Variants in SLC4A4 observed in about 807,000 individuals in gnomAD.
SLC4A4 encodes the protein solute carrier family 4 member 4.
In SLC4A4, 27 loss-of-function variants were observed where a neutral mutation model predicts 111.5. The ratio of observed to expected loss-of-function variants is 0.24; its 90% CI spans 0.18 to 0.33. SLC4A4 has a LOEUF of 0.33. SLC4A4 is among the 10% of genes least tolerant of loss of function. The probability of loss-of-function intolerance (pLI) is 1.00; values close to 1 mark genes in which losing one functional copy is unlikely to be tolerated. For missense variants in SLC4A4, 909 were observed against 1,315.5 expected, an observed-to-expected ratio of 0.69 and a Z score of 4.78; for synonymous variants, 443 against 463.4, an observed-to-expected ratio of 0.96 and a Z score of 0.57.
chr4:71,289,317 ATTGT>A, intron 3 of SLC4A4, among the ~76,000 whole-genome samples: 1 of 152,306 alleles, frequency 6.6e-6, no homozygotes, highest in African/African-American at 2.4e-5. Context: ...TTGGATATGC[ATTGT>A]TTTATATCAG....
chr4:71,303,977 C>T (rs1163136107), intron 3 of SLC4A4, among the ~76,000 whole-genome samples: 3 of 152,134 alleles, frequency 2.0e-5, no homozygotes, highest in African/African-American at 7.2e-5. Context: ...ATTTAATCCC[C>T]ATAACAATTA....
At chr4:71,217,073 G>A (rs964358811) in intron 1 of SLC4A4, among the ~76,000 whole-genome samples, 1 of 152,068 alleles carries the variant, frequency 6.6e-6, no homozygotes, top group Non-Finnish European at 1.5e-5. Flanking sequence ...TGTGTGAGTG[G>A]GACAAGATGT....
rs765001385 is a variant in SLC4A4, at chr4:71,357,069, G to A, written c.612G>A (p.Val204=). 3 of 1,614,074 alleles carry A rather than the reference G, an allele frequency of 1.9e-6. No homozygotes were observed. Among genetic ancestry groups the A allele is most frequent in the South Asian group, 2.2e-5 (2 of 91,072 alleles). The change falls in exon 6 of 26, where the codon GTG becomes GTA. Residue 204 remains valine (V), a synonymous_variant. Transcript: ENST00000264485. ...GLLKPELKDK[V]TYTLLRKHRH... is the part of the protein sequence containing the mutation. ...TGAAACCTGAACTTAAGGATAAGGT[G>A]ACCTATACTTTGCTCCGGAAGCACC...
chr4:71,161,689 T>C (rs1449707486), intron 2 of SLC4A4, among the ~76,000 whole-genome samples: 2 of 152,184 alleles, frequency 1.3e-5, no homozygotes, highest in Non-Finnish European at 2.9e-5. Context: ...AACTGTTGAA[T>C]GAATGAATGA....
At chr4:71,452,120 G>A (rs1725822581) in intron 11 of SLC4A4, among the ~76,000 whole-genome samples, 1 of 151,730 alleles carries the variant, frequency 6.6e-6, no homozygotes, top group South Asian at 2.1e-4. Context: ...ACATGAAAAG[G>A]TATGTCATTA....
At chr4:71,328,077 A>G (rs934308550) in intron 3 of SLC4A4, among the ~76,000 whole-genome samples, 3 of 151,994 alleles carry the variant, frequency 2.0e-5, no homozygotes, top group African/African-American at 7.2e-5. Flanking sequence ...ATAAGTGAGG[A>G]CGTGCAAAAT....
intron 14 of SLC4A4, among the ~76,000 whole-genome samples, chr4:71,485,518 G>A (rs949775412): frequency 6.6e-6 from 1 of 151,542 alleles, no homozygotes; most frequent in African/African-American, 2.4e-5. Flanking sequence ...TTTCTGATGT[G>A]CTTCAGCCTA....
intron 2 of SLC4A4, among the ~76,000 whole-genome samples, chr4:71,254,651 TA>T (rs200059466): frequency 0.095 from 13,348 of 141,060 alleles, 537 homozygotes; most frequent in Middle Eastern, 0.13. Flanking sequence ...GCTGATTAGG[TA>T]AAAAAAAAAA....
At chr4:71,358,603 A>G (rs1457686554) in intron 6 of SLC4A4, among the ~76,000 whole-genome samples, 3 of 152,162 alleles carry the variant, frequency 2.0e-5, no homozygotes, top group Non-Finnish European at 1.5e-5. Flanking sequence ...AAAATCACAA[A>G]AGAGAATTGA....
chr4:71,111,734 C>G (rs1469906967), intron 2 of SLC4A4, among the ~76,000 whole-genome samples: 1 of 150,634 alleles, frequency 6.6e-6, no homozygotes, highest in African/African-American at 2.4e-5. Context: ...CTCACTCTAT[C>G]ACCCAGGCTG....
At chr4:71,436,970 A>G (rs1577899624) in intron 7 of SLC4A4, 6 of 340,398 alleles carry the variant, frequency 1.8e-5, no homozygotes, top group South Asian at 1.4e-4. Flanking sequence ...GTTGTTTTCT[A>G]TTAAAAAAAA....
chr4:71,319,697 A>G (rs975644023), intron 3 of SLC4A4, among the ~76,000 whole-genome samples: 1 of 152,044 alleles, frequency 6.6e-6, no homozygotes, highest in Non-Finnish European at 1.5e-5. Context: ...TCTGAATATA[A>G]TTTTATAAGC....
rs75817196 is a variant in SLC4A4, at chr4:71,469,810, C to G, written c.1632-2889C>G. On this transcript the variant is annotated intron_variant, in intron 13 of 25. Transcript: ENST00000264485. The stretch of plus-strand genomic sequence containing the variant: ...TATTTGGGTCATTCTTGTTGAACTA[C>G]TGTAGTATTGCTTAAGTCTTTTAAA... Among the ~76,000 whole-genome samples the G allele has an allele frequency of 9.7e-3, 1,467 of 151,980 alleles. 22 individuals carry two copies. The highest frequency in any genetic ancestry group is 0.034 in the African/African-American group (1,408 of 41,492).
At chr4:71,476,124 A>T (rs1220672874) in intron 14 of SLC4A4, among the ~76,000 whole-genome samples, 5 of 151,800 alleles carry the variant, frequency 3.3e-5, no homozygotes, top group Admixed American at 6.6e-5. Flanking sequence ...CACTTTCATG[A>T]CAATTTCATA....
chr4:71,187,345 T>TGCAGCC lies in SLC4A4; in HGVS notation c.-57_-52dup, dbSNP rs1745516694. On this transcript the variant is annotated 5_prime_UTR_variant, in exon 1 of 26. Coordinates refer to ENST00000264485, the MANE Select transcript of SLC4A4 (RefSeq NM_001098484.3). ...CGGCGGCGGCAGTGGCAGTGGCCGC[T>TGCAGCC]GCAGCCCCACACTCCGCCGCCAAAC... is the stretch of plus-strand genomic sequence containing the variant. The TGCAGCC allele has an allele frequency of 6.5e-6, 1 of 153,516 alleles. No homozygotes were observed. Among genetic ancestry groups the TGCAGCC allele is most frequent in the African/African-American group, 2.4e-5 (1 of 41,324 alleles). 9.5% of individuals were successfully genotyped at this position (153,516 alleles called of 1,614,324 possible).
chr4:71,569,128 G>T lies in SLC4A4; in HGVS notation c.*1377G>T, dbSNP rs3775157. ...ATGGTAGGCAGAGGGCAAAGTCATTGAATCTCTTATGCCAGTTTTCATAAA... is the reference window on the plus strand; with the variant it reads ...ATGGTAGGCAGAGGGCAAAGTCATTTAATCTCTTATGCCAGTTTTCATAAA... On this transcript the variant is annotated 3_prime_UTR_variant, in exon 26 of 26. Coordinates refer to ENST00000264485, the MANE Select transcript of SLC4A4 (RefSeq NM_001098484.3). 1.3e-5 allele frequency: 2 copies of T among 151,624 alleles called. No homozygotes were observed. Among genetic ancestry groups the T allele is most frequent in the South Asian group, 4.2e-4 (2 of 4,814 alleles). The allele number at this position is 151,624 out of a possible 1,614,324, so 9.4% of individuals were successfully genotyped here.
Position 71,352,625 on chromosome 4 carries a change from T to G in SLC4A4, c.550+2553T>G, listed in dbSNP as rs1199608917. On this transcript the variant is annotated intron_variant, in intron 5 of 25. Transcript: ENST00000264485. ...GGCCAGTTACTGAACTCTTTTGGAG[T>G]CTTCATTCCCTCATCTATAAAAAGA... Among the ~76,000 whole-genome samples, 4 of 152,164 alleles carry G rather than the reference T, an allele frequency of 2.6e-5. No homozygotes were observed. In the East Asian group the frequency reaches 7.7e-4, roughly 29 times the overall value.
chr4:71,220,376 AC>A (rs1229889302), intron 1 of SLC4A4, among the ~76,000 whole-genome samples: 3 of 152,108 alleles, frequency 2.0e-5, no homozygotes, highest in African/African-American at 7.2e-5. Flanking sequence ...GCATTGGGAA[AC>A]AAAAATTTCA....
At chr4:71,127,423 C>T (rs1743588763) in intron 2 of SLC4A4, among the ~76,000 whole-genome samples, 1 of 152,058 alleles carries the variant, frequency 6.6e-6, no homozygotes. Flanking sequence ...GAGATGACTT[C>T]CTTATTTAAA....
Sources: allele counts gnomAD v4.1 joint callset (sites outside exome capture counted in the v4.1 genomes callset), GRCh38; gene constraint gnomAD v4.1.1; transcripts MANE v1.5; gene names NCBI Gene and HGNC (gene_info 2026-07-23, HGNC 2026-07-21).